Variants in KIF1B observed in about 807,000 individuals in gnomAD.
The protein encoded by KIF1B is kinesin family member 1B, also known as kinesin-like protein KIF1B.
Under a neutral mutation model 241.9 loss-of-function variants are expected in KIF1B, and 76 were observed. The observed-to-expected ratio is 0.31, with a 90% CI of 0.26 to 0.38. KIF1B has a LOEUF of 0.38. Ranked by LOEUF, KIF1B falls within the 10% of genes least tolerant of loss-of-function variation. The pLI is 1.00. For synonymous variants in KIF1B, 750 were observed against 796.7 expected (o/e 0.94, Z 0.99); for missense variants, 1,622 against 2,271.4 (o/e 0.71, Z 5.81).
At position 10,297,240 on chromosome 1, in the gene KIF1B, G is replaced by A. The variant is rs1171920190; in HGVS notation, c.2109G>A (p.Gln703=). The A allele has an allele frequency of 1.2e-6, 2 of 1,612,608 alleles. No homozygotes were observed. Among genetic ancestry groups the A allele is most frequent in the Admixed American group, 1.7e-5 (1 of 59,958 alleles). Residue 703 remains glutamine (Q), a synonymous_variant, in exon 22 of 49, where the codon CAG becomes CAA. Coordinates refer to ENST00000676179, the MANE Select transcript of KIF1B (RefSeq NM_001365951.3). ...AAGCAGATCTTCTTTTGGAGCAGCA[G>A]AGACTGGTAGGAGTCCTGAATCTGC... is the stretch of plus-strand genomic sequence containing the variant. ...KEEADLLLEQ[Q]RLDYESKLQA...
chr1:10,361,190 C>G, intron 39 of KIF1B, 147 bp downstream of exon 39: 1 of 706,484 alleles, frequency 1.4e-6, no homozygotes. Flanking sequence ...TTATACATTG[C>G]TAACTCTTCT....
At position 10,267,376 on chromosome 1, in the gene KIF1B, A is replaced by G. The variant is rs1351539410; in HGVS notation, c.430-4A>G. On this transcript the variant is annotated splice_polypyrimidine_tract_variant and splice_region_variant and intron_variant, in intron 5 of 48. Coordinates refer to ENST00000676179, the MANE Select transcript of KIF1B (RefSeq NM_001365951.3). ...TCTAATTCACTTTACTAATTTGTTC[A>G]TAGGTGAGCTACATGGAAATTTACT... The G allele has an allele frequency of 2.5e-6, 4 of 1,613,754 alleles. No homozygotes were observed. The South Asian group carries it at 4.4e-5, about 18-fold the overall frequency.
chr1:10,354,666 A>C (rs1244262511), intron 38 of KIF1B, among the ~76,000 whole-genome samples: 1 of 152,222 alleles, frequency 6.6e-6, no homozygotes, highest in Non-Finnish European at 1.5e-5. Flanking sequence ...TAATAAGTAC[A>C]ACTGGCATAA....
In KIF1B at chr1:10,326,413, G is replaced by C. The variant is rs1651726187; in HGVS notation, c.2924+54G>C. 3.5e-5 allele frequency: 57 copies of C among 1,611,172 alleles called. No individual in the cohort carries two copies. The highest frequency in any genetic ancestry group is 4.8e-5 in the Non-Finnish European group (57 of 1,179,124). On this transcript the variant is annotated intron_variant, in intron 27 of 48. Coordinates refer to ENST00000676179, the MANE Select transcript of KIF1B (RefSeq NM_001365951.3). This position sits in a 1 kb window ranked among gnomAD's most constrained non-coding sequence, Gnocchi z 5.2. The stretch of plus-strand genomic sequence containing the variant: ...AAAGGGACCAGCTCTTGCTCTGAAG[G>C]CCTCCCTGCTTGCACAATTTTGGAT...
intron 22 of KIF1B, among the ~76,000 whole-genome samples, chr1:10,301,811 C>G (rs958818804): frequency 6.6e-6 from 1 of 152,204 alleles, no homozygotes; most frequent in Non-Finnish European, 1.5e-5. Context: ...CTAAATCCAA[C>G]ATTGCTTTCC....
chr1:10,292,234 C>A (rs1650036299), intron 17 of KIF1B, 112 bp downstream of exon 17: 11 of 807,040 alleles, frequency 1.4e-5, no homozygotes, highest in Admixed American at 5.9e-5. Flanking sequence ...TATCTTGATA[C>A]TTGCCTTAAT....
intron 45 of KIF1B, among the ~76,000 whole-genome samples, chr1:10,373,107 A>C (rs1363793201): frequency 6.9e-6 from 1 of 143,980 alleles, no homozygotes; most frequent in Non-Finnish European, 1.5e-5. Flanking sequence ...GAGCCACTGC[A>C]CCCGGCCACA....
chr1:10,376,792 C>A lies in KIF1B; in HGVS notation c.*205C>A. ...TTCTTTTTTCTTGTGCTGAGAATCT[C>A]GTTAGTAGCATGTGGCCTAACAAAA... is the stretch of plus-strand genomic sequence containing the variant. On this transcript the variant is annotated 3_prime_UTR_variant, in exon 49 of 49. Coordinates refer to ENST00000676179, the MANE Select transcript of KIF1B (RefSeq NM_001365951.3). 1 of 575,602 alleles carries A rather than the reference C, an allele frequency of 1.7e-6. No homozygotes were observed. Among genetic ancestry groups the A allele is most frequent in the Non-Finnish European group, 3.2e-6 (1 of 315,132 alleles). The allele number at this position is 575,602 out of a possible 1,614,324, so 35.7% of individuals were successfully genotyped here.
At position 10,246,275 on chromosome 1, in the gene KIF1B, C is replaced by T. The variant is rs548870900; in HGVS notation, c.107-9972C>T. Among the ~76,000 whole-genome samples the T allele has an allele frequency of 8.2e-4, 125 of 152,236 alleles. 1 individual carries two copies. The South Asian group carries it at 0.022, about 27-fold the overall frequency. ...ATATTGGAGTCATTCTTACCTTCTC[C>T]GTTTTTCTCATAGGCCACATATATC... On this transcript the variant is annotated intron_variant, in intron 2 of 48. Transcript: ENST00000676179.
At chr1:10,371,754 G>T (rs1320315971) in intron 45 of KIF1B, among the ~76,000 whole-genome samples, 1 of 152,094 alleles carries the variant, frequency 6.6e-6, no homozygotes, top group African/African-American at 2.4e-5. Context: ...GCAACATAGC[G>T]ATATGCTGTC....
intron 45 of KIF1B, among the ~76,000 whole-genome samples, chr1:10,373,281 A>T (rs1213218271): frequency 3.5e-4 from 47 of 134,236 alleles, no homozygotes; most frequent in Middle Eastern, 4.3e-3. Context: ...TTTGAGACAG[A>T]GTCTCACTCT....
At chr1:10,321,231 G>A (rs962197903) in intron 23 of KIF1B, among the ~76,000 whole-genome samples, 3 of 151,784 alleles carry the variant, frequency 2.0e-5, no homozygotes, top group Admixed American at 6.6e-5. Flanking sequence ...AGCCTCCTGA[G>A]TAGCTGGGAC....
chr1:10,248,489 C>A (rs1647278078), intron 2 of KIF1B, among the ~76,000 whole-genome samples: 1 of 152,202 alleles, frequency 6.6e-6, no homozygotes, highest in Admixed American at 6.5e-5. Flanking sequence ...GTGTGAGCTA[C>A]TGTGCTCAGC....
At position 10,227,893 on chromosome 1, in the gene KIF1B, A is replaced by G. The variant is rs765313957; in HGVS notation, c.-79-4357A>G. On this transcript the variant is annotated intron_variant, in intron 1 of 48. Coordinates refer to ENST00000676179, the MANE Select transcript of KIF1B (RefSeq NM_001365951.3). ...ATTAGCTAGAATTTTTCTGTAAAGAACTTACCCTCAGCCGGGTGCTGTGGC... is the reference window on the plus strand; with the variant it reads ...ATTAGCTAGAATTTTTCTGTAAAGAGCTTACCCTCAGCCGGGTGCTGTGGC... The G allele has an allele frequency of 7.8e-5, 12 of 154,536 alleles. No individual in the cohort carries two copies. In the Middle Eastern group the frequency reaches 2.6e-3, roughly 33 times the overall value. The allele number at this position is 154,536 out of a possible 1,614,324, so 9.6% of individuals were successfully genotyped here.
At chr1:10,263,632 A>G (rs1401246486) in intron 5 of KIF1B, among the ~76,000 whole-genome samples, 1 of 152,234 alleles carries the variant, frequency 6.6e-6, no homozygotes, top group African/African-American at 2.4e-5. Flanking sequence ...TCATACACCA[A>G]AAAGAGAATG....
chr1:10,273,934 C>CTTT lies in KIF1B; in HGVS notation c.882+920_882+922dup, dbSNP rs35845856. Among the ~76,000 whole-genome samples the CTTT allele has an allele frequency of 1.1e-3, 131 of 116,780 alleles. 4 individuals are homozygous for CTTT. The highest frequency in any genetic ancestry group is 3.4e-3 in the African/African-American group (106 of 31,246). 76.6% of individuals were successfully genotyped at this position (116,780 alleles called of 152,430 possible). A position where few individuals can be genotyped will look rare whatever the true frequency, so the allele number is the denominator to read the frequency against. ...ACCCTGGCTTTCTCCTTAGTAGCTT[C>CTTT]TTTTTTTTTTTTTTTTTTTGGAGAC... On this transcript the variant is annotated intron_variant, in intron 10 of 48. Transcript: ENST00000676179.
chr1:10,353,998 C>T (rs1414506458), intron 38 of KIF1B, among the ~76,000 whole-genome samples: 1 of 152,104 alleles, frequency 6.6e-6, no homozygotes, highest in Admixed American at 6.5e-5. Flanking sequence ...CCCTAGGGTA[C>T]TTAGTAAAAT....
At chr1:10,362,225 A>AT (rs1638442411) in intron 40 of KIF1B, among the ~76,000 whole-genome samples, 1 of 152,178 alleles carries the variant, frequency 6.6e-6, no homozygotes, top group Admixed American at 6.5e-5. Flanking sequence ...CATGTCTGTA[A>AT]TCCCAGCACG....
chr1:10,323,811 A>G (rs988606562), intron 24 of KIF1B, 73 bp from the exon 25 acceptor site: 2 of 1,236,600 alleles, frequency 1.6e-6, no homozygotes, highest in Non-Finnish European at 2.4e-6. Flanking sequence ...CCCATTGGGT[A>G]TGATTGTATC....
Sources: allele counts gnomAD v4.1 joint callset (sites outside exome capture counted in the v4.1 genomes callset), GRCh38; gene constraint gnomAD v4.1.1; non-coding constraint Gnocchi (gnomAD v3.1); transcripts MANE v1.5; gene names NCBI Gene and HGNC (gene_info 2026-07-23, HGNC 2026-07-21).